RHPN2: variants seen among roughly 807,000 people sequenced by gnomAD.
RHPN2 encodes the protein rhophilin-2.
Under a neutral mutation model 79.0 loss-of-function variants are expected in RHPN2, and 40 were observed. The observed-to-expected ratio is 0.51, with a 90% CI of 0.39 to 0.66. The LOEUF (loss-of-function observed/expected upper bound fraction) is 0.66. RHPN2 is among the 30% of genes least tolerant of loss of function. The pLI is 0.00. For missense variants in RHPN2, 686 were observed against 883.5 expected (o/e 0.78, Z 2.83); for synonymous variants, 285 against 363.5 (o/e 0.78, Z 2.46).
intron 11 of RHPN2, among the ~76,000 whole-genome samples, chr19:32,994,690 G>A (rs879340058): frequency 6.6e-5 from 10 of 151,916 alleles, no homozygotes; most frequent in Non-Finnish European, 1.3e-4. Context: ...GGCCAGGCAC[G>A]GTGGCTAATG....
chr19:33,001,036 T>C (rs1253526180), intron 9 of RHPN2, among the ~76,000 whole-genome samples: 1 of 152,128 alleles, frequency 6.6e-6, no homozygotes, highest in Non-Finnish European at 1.5e-5. Context: ...GGCCCTTCGT[T>C]TTCGTTTTCA....
At chr19:33,016,607 G>A (rs908812509) in intron 4 of RHPN2, among the ~76,000 whole-genome samples, 3 of 152,102 alleles carry the variant, frequency 2.0e-5, no homozygotes, top group African/African-American at 7.2e-5. Flanking sequence ...CTTGAACCTG[G>A]GAGGCAGAGG....
At position 32,979,335 on chromosome 19, in the gene RHPN2, T is replaced by C. The variant is rs1208496773; in HGVS notation, c.*661A>G. The C allele has an allele frequency of 6.5e-6, 1 of 152,800 alleles. No individual in the cohort carries two copies. Among genetic ancestry groups the C allele is most frequent in the East Asian group, 1.9e-4 (1 of 5,202 alleles). 9.5% of individuals were successfully genotyped at this position (152,800 alleles called of 1,614,324 possible). A position where few individuals can be genotyped will look rare whatever the true frequency, so the allele number is the denominator to read the frequency against. On this transcript the variant is annotated 3_prime_UTR_variant, in exon 15 of 15. Coordinates refer to ENST00000254260, the MANE Select transcript of RHPN2 (RefSeq NM_033103.5). ...ATCTACCTTGTAGACAGCATCTTCA[T>C]CTAACACTGCCACTGTGTTAGTAAT...
intron 9 of RHPN2, 83 bp downstream of exon 9, chr19:33,002,164 G>A: frequency 1.3e-6 from 2 of 1,510,288 alleles, no homozygotes. Flanking sequence ...AGGGAAGGCA[G>A]TTAGCTCTCA....
At chr19:33,046,457 G>A (rs534242758) in intron 1 of RHPN2, among the ~76,000 whole-genome samples, 3 of 151,970 alleles carry the variant, frequency 2.0e-5, no homozygotes, top group Admixed American at 6.6e-5. Context: ...GTAGAGAGGC[G>A]GGTTTCATGA....
In RHPN2 at chr19:32,995,675, A is replaced by G. The variant is rs1163200745; in HGVS notation, c.1420+351T>C. ...GGAGTTCGAGACCAGCCTGGCCAAC[A>G]TGGTGAAACCCCATCTCTACTAAAA... On this transcript the variant is annotated intron_variant, in intron 11 of 14. Coordinates refer to ENST00000254260, the MANE Select transcript of RHPN2 (RefSeq NM_033103.5). Among the ~76,000 whole-genome samples the G allele has an allele frequency of 3.3e-5, 5 of 152,058 alleles. No individual in the cohort carries two copies. In the South Asian group the frequency reaches 1.0e-3, roughly 32 times the overall value.
At chr19:33,064,298 T>TACTCC (rs1972307268) in intron 1 of RHPN2, among the ~76,000 whole-genome samples, 1 of 151,502 alleles carries the variant, frequency 6.6e-6, no homozygotes, top group Non-Finnish European at 1.5e-5. Flanking sequence ...CGCGCCACTC[T>TACTCC]ACTCCAGCCT....
rs1294321663 is a variant in RHPN2 at position 32,980,264 on chromosome 19, T to C, written c.1801-8A>G. The C allele has an allele frequency of 1.9e-6, 3 of 1,613,776 alleles. No individual in the cohort carries two copies. Among genetic ancestry groups the C allele is most frequent in the South Asian group, 2.2e-5 (2 of 91,072 alleles). ...TGTGGCACTCTTATTATGCTGCACA[T>C]AGAAAAGTAAGAAAAAGGGCGTCAG... On this transcript the variant is annotated splice_region_variant and splice_polypyrimidine_tract_variant and intron_variant, in intron 14 of 14. Coordinates refer to ENST00000254260, the MANE Select transcript of RHPN2 (RefSeq NM_033103.5).
intron 3 of RHPN2, among the ~76,000 whole-genome samples, chr19:33,022,644 T>TC (rs1971934214): frequency 2.0e-5 from 3 of 152,082 alleles, no homozygotes; most frequent in African/African-American, 7.2e-5. Context: ...GAGCCTACAT[T>TC]CCTAGGGGCA....
Position 32,979,525 on chromosome 19 carries a change from G to A in RHPN2, c.*471C>T, listed in dbSNP as rs1200579120. ...AATTCCTATTAGGAAGCAGCACTTT[G>A]GGACAGTTTTTAGTGACACTAATTT... On this transcript the variant is annotated 3_prime_UTR_variant, in exon 15 of 15. Transcript: ENST00000254260. 1 of 157,548 alleles carries A rather than the reference G, an allele frequency of 6.3e-6. No homozygotes were observed. The highest frequency in any genetic ancestry group is 1.4e-5 in the Non-Finnish European group (1 of 71,176). The allele number at this position is 157,548 out of a possible 1,614,324, so 9.8% of individuals were successfully genotyped here. A position where few individuals can be genotyped will look rare whatever the true frequency, so the allele number is the denominator to read the frequency against.
chr19:33,051,758 C>T (rs760723661), intron 1 of RHPN2: 13 of 173,234 alleles, frequency 7.5e-5, no homozygotes, highest in Non-Finnish European at 1.5e-4. Flanking sequence ...TGGTGGCTCA[C>T]GTGTATAATC....
At chr19:33,019,731 G>T (rs1343067023) in intron 4 of RHPN2, among the ~76,000 whole-genome samples, 1 of 151,712 alleles carries the variant, frequency 6.6e-6, no homozygotes, top group African/African-American at 2.4e-5. Context: ...GCCACTGCAT[G>T]CCAGCCTGGG....
rs1568318216 is a variant in RHPN2, at chr19:33,021,630, G to A, written c.331C>T (p.Pro111Ser). The A allele has an allele frequency of 1.2e-6, 2 of 1,613,780 alleles. No individual in the cohort carries two copies. Among genetic ancestry groups the A allele is most frequent in the Non-Finnish European group, 8.5e-7 (1 of 1,179,748 alleles). ...YQNTEEAFTI[P>S]LIPLGLKETK... ...TCCTTCAGGCCAAGAGGAATCAGGG[G>A]AATCGTAAATGCCTCCCTATGAGGA... is the stretch of plus-strand genomic sequence containing the variant. Residue 111 changes from proline (P) to serine (S), a missense_variant, in exon 4 of 15, where the codon CCC becomes TCC. Transcript: ENST00000254260.
At chr19:33,004,298 C>A (rs949902952) in intron 7 of RHPN2, among the ~76,000 whole-genome samples, 4 of 152,098 alleles carry the variant, frequency 2.6e-5, no homozygotes, top group African/African-American at 9.7e-5. Flanking sequence ...ACTCAGCCTC[C>A]CAAAGTGCTG....
chr19:33,047,553 G>A (rs913679705), intron 1 of RHPN2, among the ~76,000 whole-genome samples: 6 of 152,078 alleles, frequency 3.9e-5, no homozygotes, highest in South Asian at 2.1e-4. Flanking sequence ...CCCTGGGAGC[G>A]GTCTGGCGGG....
chr19:32,986,127 C>T (rs1971611347), intron 14 of RHPN2, among the ~76,000 whole-genome samples: 1 of 152,188 alleles, frequency 6.6e-6, no homozygotes, highest in South Asian at 2.1e-4. Context: ...GAAGGCCACA[C>T]AACTGGTGGT....
At chr19:33,048,079 T>G (rs954664332) in intron 1 of RHPN2, among the ~76,000 whole-genome samples, 1 of 152,024 alleles carries the variant, frequency 6.6e-6, no homozygotes, top group Non-Finnish European at 1.5e-5. Flanking sequence ...TATTCGGAAT[T>G]CGAGTTGGCT....
chr19:33,007,018 G>A (rs754659856), intron 7 of RHPN2, among the ~76,000 whole-genome samples: 28 of 149,056 alleles, frequency 1.9e-4, no homozygotes, highest in Non-Finnish European at 2.2e-4. Context: ...CTCCAGCCTG[G>A]GTGACAAGAG....
At chr19:33,063,380 C>G (rs1200367862) in intron 1 of RHPN2, among the ~76,000 whole-genome samples, 1 of 152,108 alleles carries the variant, frequency 6.6e-6, no homozygotes, top group Admixed American at 6.6e-5. Flanking sequence ...CACAGTCTCT[C>G]TGTGTCACCT....
Sources: allele counts gnomAD v4.1 joint callset (sites outside exome capture counted in the v4.1 genomes callset), GRCh38; gene constraint gnomAD v4.1.1; transcripts MANE v1.5; gene names NCBI Gene and HGNC (gene_info 2026-07-23, HGNC 2026-07-21).